The following TMEM38A variants were observed in gnomAD, a reference collection of about 807,000 sequenced individuals.
TMEM38A encodes the protein transmembrane protein 38A, also known as trimeric intracellular cation channel type A.
Under a neutral mutation model 28.6 loss-of-function variants are expected in TMEM38A, and 17 were observed. That is an observed-to-expected ratio of 0.60 (90% confidence interval 0.41 to 0.89). The LOEUF is 0.89. Among genes scored for constraint, TMEM38A ranks in the 40% least tolerant of loss-of-function variants. The pLI is 0.00. For synonymous variants in TMEM38A, 169 were observed against 166.1 expected, an observed-to-expected ratio of 1.02 and a Z score of -0.14; for missense variants, 328 against 393.1, an observed-to-expected ratio of 0.83 and a Z score of 1.40.
intron 4 of TMEM38A, 80 bp downstream of exon 4, chr19:16,682,588 C>A: frequency 7.9e-7 from 1 of 1,267,000 alleles, no homozygotes; most frequent in Non-Finnish European, 1.2e-6. Flanking sequence ...CTGCTGATAA[C>A]TTAGAGAGGC....
chr19:16,686,155 T>G, intron 4 of TMEM38A, 133 bp from the exon 5 acceptor site: 2 of 625,186 alleles, frequency 3.2e-6, no homozygotes, highest in East Asian at 6.0e-5. Flanking sequence ...AGAGTGAGAT[T>G]CCATCTCAAA....
rs774692677 is a variant in TMEM38A at position 16,661,235 on chromosome 19, G to T, written c.18G>T (p.Ala6=). 114 of 1,577,706 alleles carry T rather than the reference G, an allele frequency of 7.2e-5. No homozygotes were observed. The highest frequency in any genetic ancestry group is 8.9e-5 in the Non-Finnish European group (104 of 1,163,382). Reference sequence around the variant, plus strand: ...CGGGCGCCATGGAGCTGCTCTCGGCGCTGAGCCTGGGCGAACTGGCGCTCA... The same window carrying T: ...CGGGCGCCATGGAGCTGCTCTCGGCTCTGAGCCTGGGCGAACTGGCGCTCA... MELLS[A]LSLGELALSF... Residue 6 remains alanine (A), a synonymous_variant, in exon 1 of 6, where the codon GCG becomes GCT. Coordinates refer to ENST00000187762, the MANE Select transcript of TMEM38A (RefSeq NM_024074.4). This position sits in a 1 kb window ranked among gnomAD's most constrained non-coding sequence, Gnocchi z 6.5.
chr19:16,667,279 GAAA>G (rs11436221), intron 1 of TMEM38A, among the ~76,000 whole-genome samples: 1 of 145,704 alleles, frequency 6.9e-6, no homozygotes, highest in Admixed American at 6.9e-5. Flanking sequence ...TCCATTTCAG[GAAA>G]AAAAAAAAGA....
At chr19:16,684,710 A>G (rs2086794523) in intron 4 of TMEM38A, among the ~76,000 whole-genome samples, 1 of 152,092 alleles carries the variant, frequency 6.6e-6, no homozygotes, top group South Asian at 2.1e-4. Context: ...TAGCAAAGCC[A>G]TTATATTCAG....
chr19:16,670,263 C>T (rs1025062258), intron 1 of TMEM38A, among the ~76,000 whole-genome samples: 9 of 145,206 alleles, frequency 6.2e-5, no homozygotes, highest in African/African-American at 1.3e-4. Flanking sequence ...CCACTGCGCC[C>T]GGCCTGTTTT....
chr19:16,663,156 T>C (rs2086689355), intron 1 of TMEM38A, among the ~76,000 whole-genome samples: 1 of 151,764 alleles, frequency 6.6e-6, no homozygotes, highest in African/African-American at 2.4e-5. Flanking sequence ...TGGCACATGC[T>C]TGTAATCCTA....
intron 1 of TMEM38A, among the ~76,000 whole-genome samples, chr19:16,677,086 A>AGC (rs1327320379): frequency 6.6e-6 from 1 of 151,424 alleles, no homozygotes; most frequent in Non-Finnish European, 1.5e-5. Context: ...AAAAAAAAAA[A>AGC]AAAGCCCAGC....
chr19:16,680,606 A>G, intron 3 of TMEM38A, 25 bp downstream of exon 3: 1 of 1,605,162 alleles, frequency 6.2e-7, no homozygotes, highest in Non-Finnish European at 8.5e-7. Flanking sequence ...GACAATGAAA[A>G]ATCATCCCAG....
intron 1 of TMEM38A, among the ~76,000 whole-genome samples, chr19:16,676,741 T>C (rs1030399372): frequency 1.3e-5 from 2 of 151,108 alleles, no homozygotes; most frequent in East Asian, 1.9e-4. Flanking sequence ...CCCCGAGTGT[T>C]GCATTTTCAT....
At chr19:16,678,538 T>A (rs2086763092) in intron 1 of TMEM38A, among the ~76,000 whole-genome samples, 1 of 151,344 alleles carries the variant, frequency 6.6e-6, no homozygotes, top group Non-Finnish European at 1.5e-5. Flanking sequence ...GCCAGGTGGA[T>A]GGCTTGAGCC....
At chr19:16,679,287 G>A (rs918172967) in intron 1 of TMEM38A, among the ~76,000 whole-genome samples, 2 of 124,016 alleles carry the variant, frequency 1.6e-5, no homozygotes, top group East Asian at 2.3e-4. Context: ...GTGTGTGTGT[G>A]TGTGTGTGTG....
intron 1 of TMEM38A, among the ~76,000 whole-genome samples, chr19:16,664,625 T>G (rs974957919): frequency 6.6e-5 from 10 of 152,150 alleles, no homozygotes; most frequent in Non-Finnish European, 1.0e-4. Flanking sequence ...CATGGTGGTG[T>G]GTGTCTGTGG....
Position 16,680,501 on chromosome 19 carries a change from A to G in TMEM38A, c.386A>G (p.Lys129Arg), listed in dbSNP as rs1482690113. 1.2e-6 allele frequency: 2 copies of G among 1,614,226 alleles called. No homozygotes were observed. Among genetic ancestry groups the G allele is most frequent in the Non-Finnish European group, 1.7e-6 (2 of 1,180,044 alleles). The change falls in exon 3 of 6, where the codon AAG becomes AGG. Residue 129 changes from lysine (K) to arginine (R), a missense_variant. Coordinates refer to ENST00000187762, the MANE Select transcript of TMEM38A (RefSeq NM_024074.4). ...ATGAAGGAGGTGGTGCGAGTCCGCA[A>G]GATCGCGGTGGGCATCCATCACGCC... is the stretch of plus-strand genomic sequence containing the variant. Reference protein sequence around the residue: ...VAMKEVVRVRKIAVGIHHAHH... With the variant: ...VAMKEVVRVRRIAVGIHHAHH...
intron 5 of TMEM38A, among the ~76,000 whole-genome samples, chr19:16,687,929 G>T (rs549458818): frequency 1.3e-5 from 2 of 152,216 alleles, no homozygotes; most frequent in South Asian, 2.1e-4. Context: ...ACTTTCCAGG[G>T]GTCAACACTT....
intron 1 of TMEM38A, among the ~76,000 whole-genome samples, chr19:16,674,387 T>TG: frequency 1.0e-5 from 1 of 99,496 alleles, no homozygotes; most frequent in Non-Finnish European, 1.8e-5. Context: ...AACTCTTGTC[T>TG]CCAAAAAAAA....
At chr19:16,669,266 G>A (rs1048631194) in intron 1 of TMEM38A, among the ~76,000 whole-genome samples, 2 of 151,322 alleles carry the variant, frequency 1.3e-5, no homozygotes, top group African/African-American at 4.9e-5. Flanking sequence ...GAGTGCAGTG[G>A]TGTGATCTCG....
In TMEM38A at chr19:16,686,182, G is replaced by A. The variant is rs1205734277; in HGVS notation, c.555-106G>A. The A allele has an allele frequency of 2.7e-5, 20 of 734,306 alleles. 1 individual carries two copies. The East Asian group carries it at 5.1e-4, about 19-fold the overall frequency. The allele number at this position is 734,306 out of a possible 1,614,324, so 45.5% of individuals were successfully genotyped here. On this transcript the variant is annotated intron_variant, in intron 4 of 5. Coordinates refer to ENST00000187762, the MANE Select transcript of TMEM38A (RefSeq NM_024074.4). ...CATCTCAAAAGGAAAAGAAAAGAGAGAAGCTGGGATGGGAGCTGGTGCCAG... is the reference window on the plus strand; with the variant it reads ...CATCTCAAAAGGAAAAGAAAAGAGAAAAGCTGGGATGGGAGCTGGTGCCAG...
chr19:16,666,548 C>G (rs2086703951), intron 1 of TMEM38A, among the ~76,000 whole-genome samples: 1 of 152,098 alleles, frequency 6.6e-6, no homozygotes, highest in African/African-American at 2.4e-5. Context: ...CCCACCTCAG[C>G]TTCCCATGAG....
chr19:16,685,311 A>G (rs1316085968), intron 4 of TMEM38A, among the ~76,000 whole-genome samples: 1 of 151,654 alleles, frequency 6.6e-6, no homozygotes, highest in Non-Finnish European at 1.5e-5. Context: ...ACTTGAACCC[A>G]GGAGGTGGAG....
Sources: allele counts gnomAD v4.1 joint callset (sites outside exome capture counted in the v4.1 genomes callset), GRCh38; gene constraint gnomAD v4.1.1; non-coding constraint Gnocchi (gnomAD v3.1); transcripts MANE v1.5; gene names NCBI Gene and HGNC (gene_info 2026-07-23, HGNC 2026-07-21).